The following ZFAT variants were observed in gnomAD, a reference collection of about 807,000 sequenced individuals.
ZFAT encodes zinc finger and AT-hook domain containing.
Under a neutral mutation model 117.7 loss-of-function variants are expected in ZFAT, and 64 were observed. The ratio of observed to expected loss-of-function variants is 0.54; its 90% confidence interval spans 0.44 to 0.67. The LOEUF (loss-of-function observed/expected upper bound fraction) is 0.67, where lower values mean the gene tolerates loss of function less well. Among genes scored for constraint, ZFAT ranks in the 30% least tolerant of loss-of-function variants. ZFAT has a pLI of 0.00. For missense variants in ZFAT, 1,433 were observed against 1,584.5 expected (o/e 0.90, Z 1.62); for synonymous variants, 679 against 615.0 (o/e 1.10, Z -1.54).
chr8:134,483,566 C>T lies in ZFAT; in HGVS notation c.3493-4845G>A, dbSNP rs1387368005. On this transcript the variant is annotated intron_variant, in intron 15 of 15. Transcript: ENST00000377838. ...GCACAGGCTTAAAATTGTTCTTCAC[C>T]ACAGAAATAATATGGCGCTCACAGT... Among the ~76,000 whole-genome samples, 4 of 152,142 alleles carry T rather than the reference C, an allele frequency of 2.6e-5. No individual in the cohort carries two copies. In the South Asian group the frequency reaches 6.2e-4, roughly 24 times the overall value.
chr8:134,812,182 T>C, the ZFAT span, among the ~76,000 whole-genome samples: 2 of 152,078 alleles, frequency 1.3e-5, no homozygotes. Context: ...AAAATACCTA[T>C]CTTGGAGGGT....
chr8:134,647,370 AC>A (rs1457888901), intron 2 of ZFAT, among the ~76,000 whole-genome samples: 18 of 152,190 alleles, frequency 1.2e-4, no homozygotes, highest in Admixed American at 3.9e-4. Flanking sequence ...GGAATGTACC[AC>A]AACATAATAA....
At chr8:134,504,088 C>T (rs1819206114) in intron 15 of ZFAT, among the ~76,000 whole-genome samples, 1 of 152,166 alleles carries the variant, frequency 6.6e-6, no homozygotes, top group African/African-American at 2.4e-5. Context: ...TGCTGGACAG[C>T]CTCACTTGGA....
At chr8:134,699,360 G>T (rs558445003) in intron 1 of ZFAT, among the ~76,000 whole-genome samples, 127 of 152,340 alleles carry the variant, frequency 8.3e-4, no homozygotes, top group Non-Finnish European at 1.5e-3. Context: ...CCCACAGCCT[G>T]CAGGTATAAA....
the ZFAT span, among the ~76,000 whole-genome samples, chr8:134,758,473 C>G: frequency 1.3e-5 from 2 of 152,242 alleles, no homozygotes; most frequent in Non-Finnish European, 2.9e-5. Flanking sequence ...TCTTGCTTTA[C>G]TGGCTCCAAT....
the ZFAT span, among the ~76,000 whole-genome samples, chr8:134,810,773 T>C: frequency 6.6e-6 from 1 of 152,236 alleles, no homozygotes; most frequent in African/African-American, 2.4e-5. Flanking sequence ...AAAACAGTAA[T>C]GCAATGTGCA....
chr8:134,823,323 G>A, the ZFAT span, among the ~76,000 whole-genome samples: 1 of 152,098 alleles, frequency 6.6e-6, no homozygotes, highest in Non-Finnish European at 1.5e-5. Context: ...AAGTATTAAA[G>A]CAATTATCTT....
rs563001981 is a variant in ZFAT at position 134,593,610 on chromosome 8, G to A, written c.2476-3255C>T. Reference sequence around the variant, plus strand: ...CTTTGAAAGAAGGGAGATGCTGCACGAAGCTGCAGCATGGCCTGGGGTGCA... The same window carrying A: ...CTTTGAAAGAAGGGAGATGCTGCACAAAGCTGCAGCATGGCCTGGGGTGCA... On this transcript the variant is annotated intron_variant, in intron 7 of 15. Coordinates refer to ENST00000377838, the MANE Select transcript of ZFAT (RefSeq NM_020863.4). Among the ~76,000 whole-genome samples the A allele has an allele frequency of 7.9e-5, 12 of 152,352 alleles. No homozygotes were observed. The South Asian group carries it at 1.2e-3, about 16-fold the overall frequency.
the ZFAT span, chr8:134,783,913 A>T: frequency 1.3e-5 from 2 of 152,330 alleles, no homozygotes; most frequent in African/African-American, 4.8e-5. Context: ...CAAGGTTTTT[A>T]TTGGGTGTTA....
intron 2 of ZFAT, among the ~76,000 whole-genome samples, chr8:134,643,896 T>C (rs2131139704): frequency 6.6e-6 from 1 of 152,320 alleles, no homozygotes; most frequent in East Asian, 1.9e-4. Flanking sequence ...ACGTGTGCCC[T>C]TTCCACTACA....
At chr8:134,666,796 T>C (rs981100338) in intron 1 of ZFAT, among the ~76,000 whole-genome samples, 2 of 152,108 alleles carry the variant, frequency 1.3e-5, no homozygotes, top group African/African-American at 4.8e-5. Context: ...ATTTGTGATA[T>C]GAGTCCCAAA....
intron 12 of ZFAT, among the ~76,000 whole-genome samples, chr8:134,525,288 G>A (rs928332638): frequency 6.6e-6 from 1 of 152,138 alleles, no homozygotes; most frequent in Non-Finnish European, 1.5e-5. Flanking sequence ...CTGATATGCA[G>A]GTCCAGTGAT....
At chr8:134,616,509 G>A (rs1563680965) in intron 3 of ZFAT, among the ~76,000 whole-genome samples, 1 of 152,218 alleles carries the variant, frequency 6.6e-6, no homozygotes, top group Non-Finnish European at 1.5e-5. Flanking sequence ...GGCTTGGCAT[G>A]TCCCATCTTC....
At position 134,596,690 on chromosome 8, in the gene ZFAT, C is replaced by A. The variant is rs1826965592; in HGVS notation, c.2475+3746G>T. ...ACTGATGAAATGCAGTGTATCCATG[C>A]AATGGAATATTATTCAGCTGTAAAA... On this transcript the variant is annotated intron_variant, in intron 7 of 15. Transcript: ENST00000377838. 2.6e-5 allele frequency among the ~76,000 whole-genome samples: 4 copies of A among 151,946 alleles called. No individual in the cohort carries two copies. The South Asian group carries it at 8.3e-4, about 31-fold the overall frequency.
intron 9 of ZFAT, among the ~76,000 whole-genome samples, chr8:134,586,227 G>C (rs532539519): frequency 6.6e-6 from 1 of 152,146 alleles, no homozygotes; most frequent in African/African-American, 2.4e-5. Flanking sequence ...TTCTGAAGTC[G>C]CTAAAAATAT....
intron 14 of ZFAT, among the ~76,000 whole-genome samples, chr8:134,511,770 C>A (rs1397516189): frequency 1.3e-5 from 2 of 152,192 alleles, no homozygotes; most frequent in Non-Finnish European, 2.9e-5. Context: ...TGCCACTAGG[C>A]TGGTACAGTG....
At chr8:134,614,477 TCTC>T (rs1225974801) in intron 3 of ZFAT, among the ~76,000 whole-genome samples, 2 of 152,058 alleles carry the variant, frequency 1.3e-5, no homozygotes, top group Admixed American at 1.3e-4. Context: ...CCTCCTCCAT[TCTC>T]CTTACACACA....
At chr8:134,593,927 A>C (rs1826718695) in intron 7 of ZFAT, among the ~76,000 whole-genome samples, 1 of 152,254 alleles carries the variant, frequency 6.6e-6, no homozygotes, top group African/African-American at 2.4e-5. Context: ...CAACACGTGG[A>C]ACCCAACCAT....
At chr8:134,798,638 G>A in the ZFAT span, among the ~76,000 whole-genome samples, 1 of 151,976 alleles carries the variant, frequency 6.6e-6, no homozygotes, top group Admixed American at 6.6e-5. Flanking sequence ...GACAAAGTGA[G>A]GCAAATCTGA....
Sources: allele counts gnomAD v4.1 joint callset (sites outside exome capture counted in the v4.1 genomes callset), GRCh38; gene constraint gnomAD v4.1.1; transcripts MANE v1.5; gene names NCBI Gene and HGNC (gene_info 2026-07-23, HGNC 2026-07-21).